LRRTM4: variants seen among roughly 807,000 people sequenced by gnomAD.
LRRTM4 encodes leucine rich repeat transmembrane neuronal 4.
A neutral mutation model predicts 47.6 loss-of-function variants in LRRTM4; 25 were observed. That is an observed-to-expected ratio of 0.53 (90% CI 0.38 to 0.73). The LOEUF is 0.73. LRRTM4 is among the 30% of genes least tolerant of loss of function. LRRTM4 has a pLI of 0.00. For missense variants in LRRTM4, 638 were observed against 713.4 expected, an observed-to-expected ratio of 0.89 and a Z score of 1.20; for synonymous variants, 311 against 269.5, an observed-to-expected ratio of 1.15 and a Z score of -1.51.
intron 3 of LRRTM4, 128 bp from the exon 4 acceptor site, chr2:76,749,044 A>G: frequency 1.5e-6 from 1 of 680,566 alleles, no homozygotes; most frequent in Non-Finnish European, 2.6e-6. Flanking sequence ...ATTCAACTAC[A>G]AATAAACATT....
intron 3 of LRRTM4, among the ~76,000 whole-genome samples, chr2:77,309,706 G>GATAGATAGATAGATAT (rs1379081913): frequency 2.0e-5 from 3 of 151,726 alleles, no homozygotes; most frequent in African/African-American, 7.3e-5. Flanking sequence ...TAGATAGATA[G>GATAGATAGATAGATAT]ATAGATAGAT....
chr2:77,416,785 G>C (rs1382027159), intron 3 of LRRTM4, among the ~76,000 whole-genome samples: 2 of 152,008 alleles, frequency 1.3e-5, no homozygotes, highest in Non-Finnish European at 2.9e-5. Flanking sequence ...GAAGTTAATA[G>C]GGTAACTGCA....
chr2:77,243,755 C>A (rs1675340836), intron 3 of LRRTM4, among the ~76,000 whole-genome samples: 1 of 119,850 alleles, frequency 8.3e-6, no homozygotes, highest in Admixed American at 9.1e-5. Flanking sequence ...ATACCATATC[C>A]CTTTTTTTTT....
At chr2:77,044,266 T>G in intron 3 of LRRTM4, among the ~76,000 whole-genome samples, 1 of 151,826 alleles carries the variant, frequency 6.6e-6, no homozygotes, top group Admixed American at 6.6e-5. Flanking sequence ...AAGGTAATAT[T>G]ATTTTAATAA....
At chr2:77,315,454 A>G (rs1489518732) in intron 3 of LRRTM4, among the ~76,000 whole-genome samples, 1 of 152,184 alleles carries the variant, frequency 6.6e-6, no homozygotes, top group African/African-American at 2.4e-5. Context: ...TTTTTCTATA[A>G]CAAATATAGA....
chr2:77,403,945 A>G (rs1445837377), intron 3 of LRRTM4, among the ~76,000 whole-genome samples: 1 of 151,554 alleles, frequency 6.6e-6, no homozygotes, highest in Non-Finnish European at 1.5e-5. Flanking sequence ...TGGAAGAAAA[A>G]TATATATGAC....
At chr2:76,845,000 TG>T (rs1671797200) in intron 3 of LRRTM4, among the ~76,000 whole-genome samples, 1 of 152,064 alleles carries the variant, frequency 6.6e-6, no homozygotes, top group African/African-American at 2.4e-5. Flanking sequence ...TTCATTTTTG[TG>T]ATGAAAGCAA....
intron 3 of LRRTM4, among the ~76,000 whole-genome samples, chr2:77,381,961 T>G (rs1343246567): frequency 6.6e-6 from 1 of 152,082 alleles, no homozygotes; most frequent in African/African-American, 2.4e-5. Context: ...CATTTTAGTT[T>G]TTCAATTGGG....
rs61365229 is a variant in LRRTM4, at chr2:77,350,332, CAAAAAAAAAAAA to C, written c.1551+167974_1551+167985del. On this transcript the variant is annotated intron_variant, in intron 3 of 3. Transcript: ENST00000409884. ...TGGGCGACAGAGCAAGACTCCGTCT[CAAAAAAAAAAAA>C]AAAAAAAAAAAAAAAAAAAGAAATT... Among the ~76,000 whole-genome samples, 8 of 39,186 alleles carry C rather than the reference CAAAAAAAAAAAA, an allele frequency of 2.0e-4. 1 individual carries two copies. The East Asian group carries it at 8.8e-3, about 43-fold the overall frequency. 25.7% of individuals were successfully genotyped at this position (39,186 alleles called of 152,430 possible). A position where few individuals can be genotyped will look rare whatever the true frequency, so the allele number is the denominator to read the frequency against.
At chr2:77,361,069 A>G (rs1321835729) in intron 3 of LRRTM4, among the ~76,000 whole-genome samples, 2 of 152,030 alleles carry the variant, frequency 1.3e-5, no homozygotes, top group Non-Finnish European at 2.9e-5. Flanking sequence ...TCATAAAATT[A>G]CCAATTTTAT....
At chr2:76,764,289 G>C (rs1673369773) in intron 3 of LRRTM4, among the ~76,000 whole-genome samples, 2 of 152,174 alleles carry the variant, frequency 1.3e-5, no homozygotes, top group Non-Finnish European at 2.9e-5. Context: ...GTTCTAAAGA[G>C]AACAATAAGG....
chr2:77,266,319 ACT>A (rs1420627016), intron 3 of LRRTM4, among the ~76,000 whole-genome samples: 1 of 152,044 alleles, frequency 6.6e-6, no homozygotes, highest in East Asian at 1.9e-4. Context: ...TGCATGTAAA[ACT>A]CAACCGTTTA....
chr2:77,043,013 G>C (rs1172325956), intron 3 of LRRTM4, among the ~76,000 whole-genome samples: 1 of 151,722 alleles, frequency 6.6e-6, no homozygotes, highest in Non-Finnish European at 1.5e-5. Context: ...CTCAATATAT[G>C]CTGGGACTCG....
At chr2:77,039,443 AC>A (rs1678952199) in intron 3 of LRRTM4, among the ~76,000 whole-genome samples, 1 of 151,088 alleles carries the variant, frequency 6.6e-6, no homozygotes, top group Admixed American at 6.6e-5. Flanking sequence ...AGAGTCAATG[AC>A]ATAGATATCT....
At chr2:77,120,990 AG>A (rs1272872424) in intron 3 of LRRTM4, among the ~76,000 whole-genome samples, 4 of 151,836 alleles carry the variant, frequency 2.6e-5, no homozygotes, top group Non-Finnish European at 5.9e-5. Flanking sequence ...GAAACACAGT[AG>A]ATCTACGTAT....
At chr2:76,978,946 G>A (rs1014380404) in intron 3 of LRRTM4, among the ~76,000 whole-genome samples, 7 of 151,864 alleles carry the variant, frequency 4.6e-5, no homozygotes, top group South Asian at 2.1e-4. Flanking sequence ...AATATATGAC[G>A]CCAGGAGACA....
At chr2:76,872,273 G>T (rs1672645033) in intron 3 of LRRTM4, among the ~76,000 whole-genome samples, 1 of 151,956 alleles carries the variant, frequency 6.6e-6, no homozygotes, top group Admixed American at 6.6e-5. Flanking sequence ...TCCATATTAG[G>T]ATTACAATAA....
At chr2:77,446,777 C>T (rs758542912) in intron 3 of LRRTM4, among the ~76,000 whole-genome samples, 2 of 152,034 alleles carry the variant, frequency 1.3e-5, no homozygotes, top group Non-Finnish European at 2.9e-5. Flanking sequence ...CCTAAGACTA[C>T]TCTGGCCATC....
chr2:76,886,864 A>G (rs1050718701), intron 3 of LRRTM4, among the ~76,000 whole-genome samples: 1 of 152,012 alleles, frequency 6.6e-6, no homozygotes, highest in Non-Finnish European at 1.5e-5. Flanking sequence ...TTATTTTGAG[A>G]GGGTATGTCT....
Sources: gnomAD v4.1 joint callset for allele counts (sites outside exome capture counted in the v4.1 genomes callset) on GRCh38, gnomAD v4.1.1 for gene constraint, MANE v1.5 for transcripts, NCBI Gene and HGNC (gene_info 2026-07-23, HGNC 2026-07-21) for gene names.